MLLT3: variants seen among roughly 807,000 people sequenced by gnomAD.
MLLT3 encodes the protein MLLT3 super elongation complex subunit.
MLLT3 carries 4 observed loss-of-function variants against 53.2 expected under a neutral mutation model. The observed-to-expected ratio is 0.08, with a 90% CI of 0.04 to 0.17. The LOEUF (loss-of-function observed/expected upper bound fraction) is 0.17, where lower values mean the gene tolerates loss of function less well. Ranked by LOEUF, MLLT3 falls within the 10% of genes least tolerant of loss-of-function variation. MLLT3 has a pLI of 1.00. For synonymous variants in MLLT3, 283 were observed against 230.6 expected (o/e 1.23, Z -2.06); for missense variants, 569 against 684.0 (o/e 0.83, Z 1.87).
intron 2 of MLLT3, among the ~76,000 whole-genome samples, chr9:20,588,504 C>T (rs1013706412): frequency 1.3e-5 from 2 of 152,124 alleles, no homozygotes; most frequent in African/African-American, 2.4e-5. Context: ...TGTTTGTAAC[C>T]CCTTTTATTT....
chr9:20,414,008 C>A lies in MLLT3; in HGVS notation c.838G>T (p.Ala280Ser), dbSNP rs964257782. Reference protein sequence around the residue: ...LTITSGQDKKAPSKRPPISDS... With the variant: ...LTITSGQDKKSPSKRPPISDS... ...GAAATGGGCGGCCTTTTACTAGGAG[C>A]CTTCTTATCTTGTCCACTGGTGATG... is the stretch of plus-strand genomic sequence containing the variant. Residue 280 changes from alanine to serine, a missense_variant, in exon 5 of 11, where the codon GCT becomes TCT. Around this residue, in one of 5 missense-constraint regions of MLLT3, gnomAD observed 437 missense variants for 376.5 expected, o/e 1.16. Coordinates refer to ENST00000380338, the MANE Select transcript of MLLT3 (RefSeq NM_004529.4). 6 of 1,614,092 alleles carry A rather than the reference C, an allele frequency of 3.7e-6. No homozygotes were observed. The highest frequency in any genetic ancestry group is 5.1e-6 in the Non-Finnish European group (6 of 1,180,022).
At chr9:20,461,123 G>A (rs1480849447) in intron 2 of MLLT3, among the ~76,000 whole-genome samples, 1 of 152,184 alleles carries the variant, frequency 6.6e-6, no homozygotes, top group Non-Finnish European at 1.5e-5. Flanking sequence ...CATGTACCAT[G>A]TAAGGTCTAT....
chr9:20,574,336 C>G (rs1819603574), intron 2 of MLLT3, among the ~76,000 whole-genome samples: 1 of 152,134 alleles, frequency 6.6e-6, no homozygotes, highest in Admixed American at 6.6e-5. Context: ...TTGATTTATA[C>G]CACACATTTT....
intron 2 of MLLT3, among the ~76,000 whole-genome samples, chr9:20,555,539 G>A (rs141533675): frequency 7.2e-5 from 11 of 152,128 alleles, no homozygotes; most frequent in African/African-American, 1.9e-4. Flanking sequence ...TCTTTAAACC[G>A]GGCTATGTAT....
At chr9:20,489,517 C>G (rs1022680694) in intron 2 of MLLT3, among the ~76,000 whole-genome samples, 1 of 152,104 alleles carries the variant, frequency 6.6e-6, no homozygotes, top group African/African-American at 2.4e-5. Flanking sequence ...TTGTCTTTGG[C>G]CAGTAGGTTC....
intron 4 of MLLT3, among the ~76,000 whole-genome samples, chr9:20,421,602 T>C (rs1015184396): frequency 5.9e-5 from 9 of 152,208 alleles, no homozygotes; most frequent in Admixed American, 4.6e-4. Flanking sequence ...TCCTGACATA[T>C]ATGTTTAGTG....
rs79588781 is a variant in MLLT3 at position 20,550,549 on chromosome 9, C to T, written c.193+70105G>A. On this transcript the variant is annotated intron_variant, in intron 2 of 10. Transcript: ENST00000380338. The stretch of plus-strand genomic sequence containing the variant: ...AGACTCAAGTGATCCTCCCACCCCA[C>T]GAGTAACTGGGACCACAAGCACACA... Among the ~76,000 whole-genome samples, 651 of 151,890 alleles carry T rather than the reference C, an allele frequency of 4.3e-3. 1 individual carries two copies. The highest frequency in any genetic ancestry group is 0.011 in the African/African-American group (462 of 41,442).
intron 2 of MLLT3, among the ~76,000 whole-genome samples, chr9:20,467,675 G>A (rs1247674109): frequency 6.6e-6 from 1 of 152,152 alleles, no homozygotes; most frequent in Non-Finnish European, 1.5e-5. Flanking sequence ...AGAAGCAAAG[G>A]TAACCAAATA....
At chr9:20,468,463 C>T (rs1159165581) in intron 2 of MLLT3, among the ~76,000 whole-genome samples, 1 of 151,990 alleles carries the variant, frequency 6.6e-6, no homozygotes, top group East Asian at 1.9e-4. Flanking sequence ...TCGTGAAGCC[C>T]AAGTGAGCAC....
At chr9:20,601,051 T>C (rs1220272651) in intron 2 of MLLT3, among the ~76,000 whole-genome samples, 1 of 152,230 alleles carries the variant, frequency 6.6e-6, no homozygotes, top group East Asian at 1.9e-4. Context: ...CTCTGCACCG[T>C]TGCCCCCAGA....
intron 2 of MLLT3, among the ~76,000 whole-genome samples, chr9:20,488,930 G>A (rs1280549534): frequency 6.6e-6 from 1 of 152,150 alleles, no homozygotes; most frequent in Non-Finnish European, 1.5e-5. Flanking sequence ...AGGCAGCAAG[G>A]CAAGCAAAGC....
rs1399396867 is a variant in MLLT3 at position 20,621,150 on chromosome 9, G to T, written c.13-316C>A. ...GAACACACTCAGCCACGACAAGCACGACAACAAATGCATCGGAAACAAATC... is the reference window on the plus strand; with the variant it reads ...GAACACACTCAGCCACGACAAGCACTACAACAAATGCATCGGAAACAAATC... On this transcript the variant is annotated intron_variant, in intron 1 of 10. Transcript: ENST00000380338. This position sits in a 1 kb window ranked among gnomAD's most constrained non-coding sequence, Gnocchi z 7.0. Among the ~76,000 whole-genome samples the T allele has an allele frequency of 6.6e-6, 1 of 152,170 alleles. No individual in the cohort carries two copies. The highest frequency in any genetic ancestry group is 1.5e-5 in the Non-Finnish European group (1 of 68,032).
chr9:20,433,069 T>G (rs1447797912), intron 4 of MLLT3, among the ~76,000 whole-genome samples: 1 of 151,760 alleles, frequency 6.6e-6, no homozygotes, highest in African/African-American at 2.4e-5. Flanking sequence ...AACAATTCAG[T>G]CCAAAAGCTC....
At chr9:20,518,581 GATAAA>G (rs1267655025) in intron 2 of MLLT3, among the ~76,000 whole-genome samples, 3 of 152,058 alleles carry the variant, frequency 2.0e-5, no homozygotes, top group Non-Finnish European at 2.9e-5. Flanking sequence ...TAATCATAAA[GATAAA>G]ATAAAATTTT....
intron 2 of MLLT3, among the ~76,000 whole-genome samples, chr9:20,608,081 T>C (rs1820612269): frequency 6.6e-6 from 1 of 152,012 alleles, no homozygotes; most frequent in Non-Finnish European, 1.5e-5. Context: ...CCTAAATCTT[T>C]TTTTCTCTAT....
At chr9:20,477,287 T>G (rs933289834) in intron 2 of MLLT3, among the ~76,000 whole-genome samples, 1 of 152,182 alleles carries the variant, frequency 6.6e-6, no homozygotes, top group Non-Finnish European at 1.5e-5. Flanking sequence ...AAGGCTCTTT[T>G]TTCTTTCTTT....
chr9:20,408,047 G>A (rs1822628744), intron 5 of MLLT3, among the ~76,000 whole-genome samples: 1 of 152,158 alleles, frequency 6.6e-6, no homozygotes, highest in Non-Finnish European at 1.5e-5. Context: ...CTTAAAGAAG[G>A]CTCACAGAAT....
intron 4 of MLLT3, among the ~76,000 whole-genome samples, chr9:20,419,046 A>G (rs1013932077): frequency 2.6e-5 from 4 of 152,220 alleles, no homozygotes; most frequent in African/African-American, 7.2e-5. Context: ...CAATGCACAT[A>G]TAAGTGACAT....
intron 4 of MLLT3, among the ~76,000 whole-genome samples, chr9:20,429,472 A>G (rs1353879018): frequency 6.6e-6 from 1 of 152,202 alleles, no homozygotes; most frequent in Admixed American, 6.5e-5. Flanking sequence ...AAAGAAGCAT[A>G]TGGCCTAATC....
Sources: allele counts gnomAD v4.1 joint callset (sites outside exome capture counted in the v4.1 genomes callset), GRCh38; gene constraint gnomAD v4.1.1; regional missense constraint gnomAD v4.1.1; non-coding constraint Gnocchi (gnomAD v3.1); transcripts MANE v1.5; gene names NCBI Gene and HGNC (gene_info 2026-07-23, HGNC 2026-07-21).